The following RUFY3 variants were observed in gnomAD, a reference collection of about 807,000 sequenced individuals.
RUFY3 encodes protein RUFY3.
Under a neutral mutation model 84.0 loss-of-function variants are expected in RUFY3, and 34 were observed. The ratio of observed to expected loss-of-function variants is 0.40; its 90% confidence interval spans 0.31 to 0.54. The LOEUF (loss-of-function observed/expected upper bound fraction) is 0.54. Among genes scored for constraint, RUFY3 ranks in the 20% least tolerant of loss-of-function variants. The pLI is 0.39. For missense variants in RUFY3, 507 were observed against 736.8 expected, an observed-to-expected ratio of 0.69 and a Z score of 3.61; for synonymous variants, 242 against 252.9, an observed-to-expected ratio of 0.96 and a Z score of 0.41.
At chr4:70,709,783 A>G (rs1346286270) in intron 1 of RUFY3, among the ~76,000 whole-genome samples, 1 of 152,188 alleles carries the variant, frequency 6.6e-6, no homozygotes, top group Non-Finnish European at 1.5e-5. Context: ...TCCAACTCCC[A>G]CAACTACGGC....
intron 1 of RUFY3, among the ~76,000 whole-genome samples, chr4:70,706,582 A>G (rs190577026): frequency 4.3e-4 from 66 of 152,318 alleles, no homozygotes; most frequent in Admixed American, 1.8e-3. Flanking sequence ...TTTAAATCTA[A>G]CAAGAGATCC....
intron 1 of RUFY3, among the ~76,000 whole-genome samples, chr4:70,728,353 G>A (rs888055208): frequency 5.3e-5 from 8 of 152,310 alleles, no homozygotes; most frequent in South Asian, 2.1e-4. Context: ...CTGCCGCTGC[G>A]CAGCATCGTG....
At chr4:70,742,102 C>T (rs1017352166) in intron 1 of RUFY3, among the ~76,000 whole-genome samples, 2 of 152,022 alleles carry the variant, frequency 1.3e-5, no homozygotes, top group Admixed American at 6.6e-5. Context: ...ACATTACACA[C>T]TTAAGCTTTG....
At chr4:70,778,874 C>G (rs1728431791) in intron 8 of RUFY3, among the ~76,000 whole-genome samples, 1 of 152,200 alleles carries the variant, frequency 6.6e-6, no homozygotes, top group Non-Finnish European at 1.5e-5. Context: ...GCCACCTCGC[C>G]TGGCCCATAA....
intron 4 of RUFY3, among the ~76,000 whole-genome samples, chr4:70,765,422 C>T (rs925986790): frequency 3.3e-5 from 5 of 151,800 alleles, no homozygotes; most frequent in African/African-American, 9.7e-5. Flanking sequence ...AGAAAGAATC[C>T]GATTTCTAGG....
intron 3 of RUFY3, 114 bp from the exon 4 acceptor site, chr4:70,764,361 T>C (rs1057169801): frequency 1.4e-5 from 10 of 721,424 alleles, no homozygotes; most frequent in African/African-American, 1.2e-4. Flanking sequence ...GAGGAGCACC[T>C]CAGTGTGCTT....
chr4:70,720,125 C>G (rs954849404), upstream of RUFY3, among the ~76,000 whole-genome samples: 13 of 152,114 alleles, frequency 8.5e-5, no homozygotes, highest in African/African-American at 2.7e-4. Flanking sequence ...GATCTCGGCT[C>G]ACTGCAGCCT....
chr4:70,706,501 T>C (rs1460963261), intron 1 of RUFY3, among the ~76,000 whole-genome samples: 1 of 152,194 alleles, frequency 6.6e-6, no homozygotes. Flanking sequence ...GGAAGCTCGA[T>C]TTATCCCAAG....
chr4:70,798,501 C>T (rs1731811069), intron 14 of RUFY3, among the ~76,000 whole-genome samples: 1 of 152,104 alleles, frequency 6.6e-6, no homozygotes, highest in African/African-American at 2.4e-5. Flanking sequence ...TAGAACTGCC[C>T]AGCACCTTGC....
rs1465883988 is a variant in RUFY3 at position 70,705,147 on chromosome 4, G to A, written c.211G>A (p.Gly71Ser). Reference sequence around the variant, plus strand: ...CGCCCCCTTCTTCCTGCTGTACCCCGGCGATGGAGGCGCCGGCTTCGGAGT... The same window carrying A: ...CGCCCCCTTCTTCCTGCTGTACCCCAGCGATGGAGGCGCCGGCTTCGGAGT... Residue 71 changes from glycine (G) to serine (S), a missense_variant, in exon 1 of 12, where the codon GGC becomes AGC. Coordinates refer to the RUFY3 transcript ENST00000417478. The A allele has an allele frequency of 6.9e-6, 10 of 1,456,404 alleles. No individual in the cohort carries two copies. In the East Asian group the frequency reaches 1.8e-4, roughly 27 times the overall value. 90.2% of individuals were successfully genotyped at this position (1,456,404 alleles called of 1,614,324 possible). A position where few individuals can be genotyped will look rare whatever the true frequency, so the allele number is the denominator to read the frequency against.
chr4:70,743,547 A>G (rs1721671490), intron 1 of RUFY3, among the ~76,000 whole-genome samples: 1 of 152,174 alleles, frequency 6.6e-6, no homozygotes, highest in African/African-American at 2.4e-5. Flanking sequence ...TTAATAATGC[A>G]AGAGTCAAGC....
upstream of RUFY3, among the ~76,000 whole-genome samples, chr4:70,718,345 T>C (rs7699665): frequency 0.099 from 15,102 of 152,268 alleles, 1,624 homozygotes; most frequent in African/African-American, 0.27. Context: ...AAGAGGAATG[T>C]AACTTCTGAC....
chr4:70,721,259 A>T (rs570694785), upstream of RUFY3, among the ~76,000 whole-genome samples: 41 of 152,118 alleles, frequency 2.7e-4, no homozygotes, highest in East Asian at 6.6e-3. Flanking sequence ...ACGCCACTGC[A>T]CTCCAGCCTG....
At chr4:70,743,426 T>A (rs1372601498) in intron 1 of RUFY3, among the ~76,000 whole-genome samples, 2 of 152,138 alleles carry the variant, frequency 1.3e-5, no homozygotes, top group African/African-American at 4.8e-5. Flanking sequence ...AGGCTTTAAT[T>A]CCTTTGATAG....
At chr4:70,709,536 C>T (rs1431539653) in intron 1 of RUFY3, among the ~76,000 whole-genome samples, 2 of 152,220 alleles carry the variant, frequency 1.3e-5, no homozygotes, top group Non-Finnish European at 2.9e-5. Flanking sequence ...TGGCTTTATC[C>T]TCTTGGTGTA....
At chr4:70,755,161 C>T (rs1212277782) in intron 1 of RUFY3, among the ~76,000 whole-genome samples, 5 of 152,060 alleles carry the variant, frequency 3.3e-5, no homozygotes, top group Non-Finnish European at 5.9e-5. Flanking sequence ...TGAGCCACCG[C>T]GTGAGCCACC....
At chr4:70,705,073 C>T (rs1740104448) in exon 1 of RUFY3, 4 of 1,295,172 alleles carry the variant, frequency 3.1e-6, no homozygotes, top group South Asian at 4.7e-5. Context: ...GAGGCGGGGC[C>T]GCCGCCGGCC....
chr4:70,728,335 G>T (rs1718638901), intron 1 of RUFY3, among the ~76,000 whole-genome samples: 1 of 152,216 alleles, frequency 6.6e-6, no homozygotes, highest in Non-Finnish European at 1.5e-5. Context: ...ACTGGGAGCT[G>T]CGGCTTGCTG....
intron 1 of RUFY3, among the ~76,000 whole-genome samples, chr4:70,736,576 C>CT (rs1249392413): frequency 6.7e-4 from 98 of 146,586 alleles, no homozygotes; most frequent in African/African-American, 2.0e-3. Flanking sequence ...CTTTTCTTTT[C>CT]TTTTTTTTTT....
Sources: allele counts gnomAD v4.1 joint callset (sites outside exome capture counted in the v4.1 genomes callset), GRCh38; gene constraint gnomAD v4.1.1; transcripts MANE v1.5; gene names NCBI Gene and HGNC (gene_info 2026-07-23, HGNC 2026-07-21).